The following LRRC7 variants were observed in gnomAD, a reference collection of about 807,000 sequenced individuals.
LRRC7 encodes leucine rich repeat containing 7.
LRRC7 carries 23 observed loss-of-function variants against 175.7 expected under a neutral mutation model. The ratio of observed to expected loss-of-function variants is 0.13; its 90% CI spans 0.09 to 0.19. The LOEUF is 0.19. Ranked by LOEUF, LRRC7 falls within the 10% of genes least tolerant of loss-of-function variation. The pLI, the probability that LRRC7 is intolerant of heterozygous loss-of-function variation, is 1.00. For missense variants in LRRC7, 1,354 were observed against 1,904.7 expected, an observed-to-expected ratio of 0.71 and a Z score of 5.38; for synonymous variants, 685 against 680.9, an observed-to-expected ratio of 1.01 and a Z score of -0.09.
intron 2 of LRRC7, among the ~76,000 whole-genome samples, chr1:69,723,683 C>CT (rs1393868389): frequency 1.3e-5 from 2 of 152,092 alleles, no homozygotes; most frequent in African/African-American, 4.8e-5. Flanking sequence ...GACTGAGTGA[C>CT]TTATAAACAA....
At chr1:69,717,204 A>G (rs1472705694) in intron 2 of LRRC7, among the ~76,000 whole-genome samples, 1 of 151,722 alleles carries the variant, frequency 6.6e-6, no homozygotes, top group African/African-American at 2.4e-5. Context: ...CATAATCAAA[A>G]TTTTATGCAT....
intron 2 of LRRC7, among the ~76,000 whole-genome samples, chr1:69,734,489 A>G (rs576457812): frequency 7.2e-4 from 109 of 152,082 alleles, no homozygotes; most frequent in South Asian, 5.4e-3. Context: ...AATATAAACA[A>G]TATGAACTTC....
At chr1:69,826,314 G>A (rs1246017892) in intron 5 of LRRC7, among the ~76,000 whole-genome samples, 1 of 152,116 alleles carries the variant, frequency 6.6e-6, no homozygotes, top group African/African-American at 2.4e-5. Flanking sequence ...AACCCTAGGA[G>A]AATAGGAGAA....
intron 1 of LRRC7, among the ~76,000 whole-genome samples, chr1:69,643,081 G>T (rs927797685): frequency 6.6e-6 from 1 of 152,016 alleles, no homozygotes; most frequent in African/African-American, 2.4e-5. Flanking sequence ...AAATCTGAAG[G>T]CCCAAGAAGC....
At position 70,011,828 on chromosome 1, in the gene LRRC7, T is replaced by C. The variant is rs761863170; in HGVS notation, c.1036T>C (p.Cys346Arg). 1 of 1,565,318 alleles carries C rather than the reference T, an allele frequency of 6.4e-7. No homozygotes were observed. The highest frequency in any genetic ancestry group is 2.3e-5 in the East Asian group (1 of 44,370). The change falls in exon 12 of 27, where the codon TGT becomes CGT. Residue 346 changes from cysteine to arginine, a missense_variant. Physicochemically the swap from Cys to Arg is radical, Grantham distance 180. Transcript: ENST00000651989. ...LSLLEEFDCS[C>R]NELESLPSTI... ...TTTATTAGAAGAATTTGACTGTAGC[T>C]GTAATGAACTGGAGTCACTACCTTC...
intron 23 of LRRC7, among the ~76,000 whole-genome samples, chr1:70,054,886 G>T (rs535963330): frequency 6.6e-6 from 1 of 151,484 alleles, no homozygotes; most frequent in Non-Finnish European, 1.5e-5. Context: ...CACCGCTCCC[G>T]GCCTACACTC....
intron 1 of LRRC7, among the ~76,000 whole-genome samples, chr1:69,610,237 G>A (rs1648486312): frequency 6.6e-6 from 1 of 152,026 alleles, no homozygotes; most frequent in Admixed American, 6.6e-5. Context: ...TCACTGTAGT[G>A]TTCAACCTGT....
chr1:70,090,920 T>C (rs967631494), intron 25 of LRRC7, among the ~76,000 whole-genome samples: 19 of 152,128 alleles, frequency 1.2e-4, no homozygotes, highest in Admixed American at 6.6e-5. Flanking sequence ...TTGTTTCTTA[T>C]ACTCTTCCTA....
Position 69,913,518 on chromosome 1 carries a change from T to G in LRRC7, c.648-17989T>G, listed in dbSNP as rs144251742. On this transcript the variant is annotated intron_variant, in intron 7 of 26. Coordinates refer to ENST00000651989, the MANE Select transcript of LRRC7 (RefSeq NM_001370785.2). ...GTGTTCCAGAAGTTTCCTTTTTTTTTGTTTTTTGTGAGATGGGAGTTTCAC... is the reference window on the plus strand; with the variant it reads ...GTGTTCCAGAAGTTTCCTTTTTTTTGGTTTTTTGTGAGATGGGAGTTTCAC... Among the ~76,000 whole-genome samples the G allele has an allele frequency of 8.1e-3, 1,226 of 152,280 alleles. 15 individuals carry two copies. Among genetic ancestry groups the G allele is most frequent in the African/African-American group, 0.027 (1,122 of 41,536 alleles).
At chr1:69,784,380 T>C (rs1384823581) in intron 3 of LRRC7, among the ~76,000 whole-genome samples, 3 of 152,202 alleles carry the variant, frequency 2.0e-5, no homozygotes, top group East Asian at 3.8e-4. Context: ...AGTTTTATTA[T>C]AGTTAAAAAA....
intron 7 of LRRC7, among the ~76,000 whole-genome samples, chr1:69,844,118 T>A (rs1682057862): frequency 6.6e-6 from 1 of 152,186 alleles, no homozygotes; most frequent in Non-Finnish European, 1.5e-5. Flanking sequence ...AACATTTTTG[T>A]AATTTTATAA....
rs1292246968 is a variant in LRRC7, at chr1:70,142,567, A to T, written c.*20680A>T. The T allele has an allele frequency of 2.0e-5, 3 of 152,110 alleles. No individual in the cohort carries two copies. Among genetic ancestry groups the T allele is most frequent in the Non-Finnish European group, 4.4e-5 (3 of 67,972 alleles). The allele number at this position is 152,110 out of a possible 1,614,324, so 9.4% of individuals were successfully genotyped here. ...GACATTGTCTTCATATGAAGAAGAA[A>T]TTTTTTACTAGTGGAAAATTAGAAG... On this transcript the variant is annotated 3_prime_UTR_variant, in exon 27 of 27. Transcript: ENST00000651989.
chr1:70,068,929 G>T (rs1662176506), intron 23 of LRRC7, among the ~76,000 whole-genome samples: 1 of 152,068 alleles, frequency 6.6e-6, no homozygotes, highest in Admixed American at 6.6e-5. Context: ...TTTTGCCCAA[G>T]TTGGAGAATT....
rs531905453 is a variant in LRRC7, at chr1:70,096,103, G to A, written c.4545+6284G>A. On this transcript the variant is annotated intron_variant, in intron 25 of 26. Transcript: ENST00000651989. ...AGCGATTCTCCTGCCTCCGCCTCCCGAGTAGCTGGGACTACAGGCACCCGC... is the reference window on the plus strand; with the variant it reads ...AGCGATTCTCCTGCCTCCGCCTCCCAAGTAGCTGGGACTACAGGCACCCGC... Among the ~76,000 whole-genome samples, 156 of 151,966 alleles carry A rather than the reference G, an allele frequency of 1.0e-3. 1 individual carries two copies. Among genetic ancestry groups the A allele is most frequent in the South Asian group, 2.3e-3 (11 of 4,814 alleles).
intron 7 of LRRC7, among the ~76,000 whole-genome samples, chr1:69,844,613 T>C (rs1682127259): frequency 6.6e-6 from 1 of 152,170 alleles, no homozygotes; most frequent in Non-Finnish European, 1.5e-5. Context: ...TGATTCCATA[T>C]CTTGGCTACT....
Position 70,122,547 on chromosome 1 carries a change from G to A in LRRC7, c.*660G>A, listed in dbSNP as rs1164028660. On this transcript the variant is annotated 3_prime_UTR_variant, in exon 27 of 27. Transcript: ENST00000651989. ...TCATTTGCTAAATTCTCATGACACA[G>A]AGTGAAATATTTCATAAATTAGCCA... The A allele has an allele frequency of 6.6e-6, 1 of 151,958 alleles. No individual in the cohort carries two copies. Among genetic ancestry groups the A allele is most frequent in the Non-Finnish European group, 1.5e-5 (1 of 67,888 alleles). The allele number at this position is 151,958 out of a possible 1,614,324, so 9.4% of individuals were successfully genotyped here. A position where few individuals can be genotyped will look rare whatever the true frequency, so the allele number is the denominator to read the frequency against.
At chr1:70,063,696 T>C (rs373418964) in intron 23 of LRRC7, among the ~76,000 whole-genome samples, 1 of 152,092 alleles carries the variant, frequency 6.6e-6, no homozygotes, top group South Asian at 2.1e-4. Context: ...TGTCAAACTT[T>C]TATCGTTACT....
At chr1:69,843,168 A>C (rs1570276108) in intron 7 of LRRC7, among the ~76,000 whole-genome samples, 1 of 152,058 alleles carries the variant, frequency 6.6e-6, no homozygotes, top group East Asian at 1.9e-4. Flanking sequence ...CTCCAGCCTG[A>C]GCAACAGAGT....
chr1:69,952,716 AG>A (rs1650064431), intron 8 of LRRC7, among the ~76,000 whole-genome samples: 1 of 152,074 alleles, frequency 6.6e-6, no homozygotes, highest in Admixed American at 6.6e-5. Context: ...CTTCATGTTC[AG>A]GCACCTCCAG....
Sources: allele counts gnomAD v4.1 joint callset (sites outside exome capture counted in the v4.1 genomes callset), GRCh38; gene constraint gnomAD v4.1.1; transcripts MANE v1.5; gene names NCBI Gene and HGNC (gene_info 2026-07-23, HGNC 2026-07-21).